Variants in NOTCH2 observed in about 807,000 individuals in gnomAD.
NOTCH2 encodes neurogenic locus notch homolog protein 2.
In NOTCH2, 29 loss-of-function variants were observed where a neutral mutation model predicts 235.8. That is an observed-to-expected ratio of 0.12 (90% CI 0.09 to 0.17). The LOEUF (loss-of-function observed/expected upper bound fraction) is 0.17, where lower values mean the gene tolerates loss of function less well. Among genes scored for constraint, NOTCH2 ranks in the 10% least tolerant of loss-of-function variants. The pLI is 1.00. For synonymous variants in NOTCH2, 1,086 were observed against 1,141.5 expected, an observed-to-expected ratio of 0.95 and a Z score of 0.98; for missense variants, 2,285 against 3,150.2, an observed-to-expected ratio of 0.73 and a Z score of 6.57.
rs1196451327 is a variant in NOTCH2, at chr1:120,060,448, T to TAA, written c.73+8884_73+8885dup. On this transcript the variant is annotated intron_variant, in intron 1 of 33. Coordinates refer to ENST00000256646, the MANE Select transcript of NOTCH2 (RefSeq NM_024408.4). ...TATATATGTAGATCTGTTCATAAAC[T>TAA]AAATATATATATATATATATATAAA... Among the ~76,000 whole-genome samples the TAA allele has an allele frequency of 3.2e-3, 464 of 145,844 alleles. 1 individual carries two copies. The highest frequency in any genetic ancestry group is 7.6e-3 in the African/African-American group (299 of 39,330).
intron 5 of NOTCH2, among the ~76,000 whole-genome samples, chr1:119,986,755 C>T (rs1553202262): frequency 6.6e-6 from 1 of 152,068 alleles, no homozygotes; most frequent in Admixed American, 6.5e-5. Context: ...CCCAATAATA[C>T]CTGTGAAAAT....
intron 5 of NOTCH2, among the ~76,000 whole-genome samples, chr1:119,980,546 C>T (rs1553201536): frequency 6.6e-6 from 1 of 152,170 alleles, no homozygotes; most frequent in Non-Finnish European, 1.5e-5. Context: ...TTTCCTTTAA[C>T]TTCCTCAATC....
At chr1:119,930,107 G>A (rs1309575219) in intron 22 of NOTCH2, among the ~76,000 whole-genome samples, 3 of 152,162 alleles carry the variant, frequency 2.0e-5, no homozygotes, top group African/African-American at 7.2e-5. Context: ...CATGATGATT[G>A]TACAACAATG....
chr1:120,037,181 G>A (rs1654341208), intron 1 of NOTCH2, among the ~76,000 whole-genome samples: 1 of 152,070 alleles, frequency 6.6e-6, no homozygotes, highest in African/African-American at 2.4e-5. Flanking sequence ...CAATCGGAAG[G>A]TATTTTAACG....
At position 119,925,748 on chromosome 1, in the gene NOTCH2, C is replaced by A. The variant is rs2101163193; in HGVS notation, c.4068G>T (p.Gln1356His). ...CGQVKCRKGEQCVHTASGPRC... is the reference protein window; with the variant it reads ...CGQVKCRKGEHCVHTASGPRC... ...GGGGTCCAGAGGCGGTGTGCACACA[C>A]TGCTCCCCCTTCCTACATTTCACTT... Residue 1356 changes from glutamine to histidine, a missense_variant, in exon 25 of 34, where the codon CAG (glutamine) becomes CAT (histidine). By Grantham distance (24) the Gln-to-His change is conservative. Transcript: ENST00000256646. 2 of 1,614,146 alleles carry A rather than the reference C, an allele frequency of 1.2e-6. No homozygotes were observed. The highest frequency in any genetic ancestry group is 1.7e-6 in the Non-Finnish European group (2 of 1,180,032).
chr1:119,999,911 AAG>A (rs1227226640), intron 3 of NOTCH2, among the ~76,000 whole-genome samples: 3 of 136,262 alleles, frequency 2.2e-5, no homozygotes, highest in East Asian at 2.2e-4. Context: ...GAAAGAGAGA[AAG>A]AGAGAGAAAG....
chr1:119,949,628 C>T (rs1553197503), intron 15 of NOTCH2, among the ~76,000 whole-genome samples: 2 of 152,142 alleles, frequency 1.3e-5, no homozygotes, highest in East Asian at 1.9e-4. Context: ...CCTCGTGATC[C>T]GCCTGCCTCG....
At chr1:120,032,312 T>G (rs1395748306) in intron 1 of NOTCH2, among the ~76,000 whole-genome samples, 1 of 135,596 alleles carries the variant, frequency 7.4e-6, no homozygotes, top group Non-Finnish European at 1.5e-5. Context: ...GCATGCCCAG[T>G]GCCTGAAGAA....
At chr1:120,009,150 C>T (rs1738673) in intron 2 of NOTCH2, among the ~76,000 whole-genome samples, 2 of 152,164 alleles carry the variant, frequency 1.3e-5, no homozygotes, top group African/African-American at 2.4e-5. Flanking sequence ...CCTAGCGTGT[C>T]TGAGAAACAG....
intron 5 of NOTCH2, among the ~76,000 whole-genome samples, chr1:119,980,317 G>A (rs1444792581): frequency 6.6e-6 from 1 of 152,068 alleles, no homozygotes; most frequent in Non-Finnish European, 1.5e-5. Flanking sequence ...ACTAAAAACT[G>A]TAAGAGTAAA....
chr1:120,047,644 A>C (rs1441040407), intron 1 of NOTCH2, among the ~76,000 whole-genome samples: 1 of 143,554 alleles, frequency 7.0e-6, no homozygotes, highest in East Asian at 2.1e-4. Context: ...ACATCGCACC[A>C]CTGCCCTCCA....
intron 22 of NOTCH2, 30 bp from the exon 23 acceptor site, chr1:119,929,242 T>C (rs369042040): frequency 1.3e-6 from 2 of 1,583,876 alleles, no homozygotes; most frequent in African/African-American, 2.7e-5. Flanking sequence ...TACAGAATTA[T>C]GAAAATCCTT....
At chr1:119,930,366 A>G (rs1649612861) in intron 22 of NOTCH2, among the ~76,000 whole-genome samples, 2 of 151,250 alleles carry the variant, frequency 1.3e-5, no homozygotes, top group Non-Finnish European at 1.5e-5. Context: ...AACAGGACTA[A>G]TTTATTGTAC....
chr1:119,941,588 G>A lies in NOTCH2; in HGVS notation c.2919C>T (p.Cys973=). 2 of 1,614,198 alleles carry A rather than the reference G, an allele frequency of 1.2e-6. No individual in the cohort carries two copies. Among genetic ancestry groups the A allele is most frequent in the Non-Finnish European group, 1.7e-6 (2 of 1,180,042 alleles). ...TCSDYVNSYT[C]KCQAGFDGVH... Reference sequence around the variant, plus strand: ...CTCCATCAAATCCTGCCTGGCACTTGCAAGTGTAACTGTTGACGTAGTCAG... The same window carrying A: ...CTCCATCAAATCCTGCCTGGCACTTACAAGTGTAACTGTTGACGTAGTCAG... The change falls in exon 18 of 34, where the codon TGC becomes TGT. Residue 973 remains cysteine, a synonymous_variant. Transcript: ENST00000256646.
intron 22 of NOTCH2, among the ~76,000 whole-genome samples, chr1:119,933,987 G>A (rs1157615912): frequency 6.6e-6 from 1 of 152,184 alleles, no homozygotes; most frequent in Non-Finnish European, 1.5e-5. Context: ...AGGCCTTGGA[G>A]GCCAGGTGTT....
At chr1:119,951,189 T>G (rs1227441877) in intron 14 of NOTCH2, among the ~76,000 whole-genome samples, 2 of 152,198 alleles carry the variant, frequency 1.3e-5, no homozygotes, top group East Asian at 3.8e-4. Flanking sequence ...CTCACTCTTG[T>G]CATTCAGGCT....
chr1:120,025,074 T>C (rs113673158), intron 2 of NOTCH2, among the ~76,000 whole-genome samples: 13 of 151,162 alleles, frequency 8.6e-5, no homozygotes, highest in East Asian at 3.9e-4. Context: ...AAGCAGAAAA[T>C]GGAAGTCCTG....
chr1:119,922,339 G>A lies in NOTCH2; in HGVS notation c.5110C>T (p.Arg1704Cys), dbSNP rs750129192. 5 of 1,613,992 alleles carry A rather than the reference G, an allele frequency of 3.1e-6. No individual in the cohort carries two copies. The highest frequency in any genetic ancestry group is 2.2e-5 in the South Asian group (2 of 91,078). The change falls in exon 28 of 34, where the codon CGT (arginine) becomes TGT (cysteine). Residue 1704 changes from arginine to cysteine, a missense_variant. Arg to Cys is a radical substitution (Grantham distance 180). Transcript: ENST00000256646. ...GGCAGCCAGAGAGAGCCATGCTTAC[G>A]CTTTCGTTTTGCCATGATTACCCCC... ...LLGVIMAKRK[R>C]KHGSLWLPEG...
intron 12 of NOTCH2, among the ~76,000 whole-genome samples, chr1:119,958,119 C>A (rs1334600935): frequency 6.6e-6 from 1 of 152,168 alleles, no homozygotes; most frequent in African/African-American, 2.4e-5. Flanking sequence ...ACCCACTTAT[C>A]AACAATGTAC....
Sources: allele counts gnomAD v4.1 joint callset (sites outside exome capture counted in the v4.1 genomes callset), GRCh38; gene constraint gnomAD v4.1.1; transcripts MANE v1.5; gene names NCBI Gene and HGNC (gene_info 2026-07-23, HGNC 2026-07-21).